Variants in NID1 observed in about 807,000 individuals in gnomAD.
NID1 encodes nidogen-1.
NID1 carries 76 observed loss-of-function variants against 130.6 expected under a neutral mutation model. The ratio of observed to expected loss-of-function variants is 0.58; its 90% CI spans 0.48 to 0.70. The LOEUF (loss-of-function observed/expected upper bound fraction) is 0.70. Among genes scored for constraint, NID1 ranks in the 30% least tolerant of loss-of-function variants. The pLI, the probability that NID1 is intolerant of heterozygous loss-of-function variation, is 0.00. For synonymous variants in NID1, 665 were observed against 675.1 expected (o/e 0.98, Z 0.23); for missense variants, 1,517 against 1,664.8 (o/e 0.91, Z 1.54).
At chr1:236,029,508 T>C in intron 7 of NID1, 42 bp downstream of exon 7, 1 of 1,535,426 alleles carries the variant, frequency 6.5e-7, no homozygotes, top group Non-Finnish European at 8.8e-7. Context: ...ACGAGGCTAG[T>C]GGCCGGTCTG....
chr1:236,033,262 C>T (rs1014995427), intron 5 of NID1, among the ~76,000 whole-genome samples: 4 of 152,130 alleles, frequency 2.6e-5, no homozygotes, highest in Admixed American at 6.5e-5. Flanking sequence ...GAGCCAAGAT[C>T]ATGCCACCGC....
Position 236,064,841 on chromosome 1 carries a change from C to T in NID1, c.225+14G>A, listed in dbSNP as rs369507832. On this transcript the variant is annotated intron_variant, in intron 1 of 19. Transcript: ENST00000264187. ...CCCTGCAGCCCCTCGCCCGCCCTCC[C>T]GGGGCTCACTCACGTAGACTGCGTC... 4.4e-6 allele frequency: 7 copies of T among 1,604,950 alleles called. No individual in the cohort carries two copies. The South Asian group carries it at 4.4e-5, about 10-fold the overall frequency.
chr1:235,988,654 T>TA (rs1490959634), intron 14 of NID1, among the ~76,000 whole-genome samples: 1 of 152,184 alleles, frequency 6.6e-6, no homozygotes, highest in Non-Finnish European at 1.5e-5. Context: ...ATACACAAAA[T>TA]ACGGCAGATC....
chr1:236,023,296 A>G (rs1290586637), intron 9 of NID1, among the ~76,000 whole-genome samples: 2 of 152,356 alleles, frequency 1.3e-5, no homozygotes, highest in East Asian at 3.9e-4. Flanking sequence ...AAAGGAAAAA[A>G]AATTCTGACA....
At chr1:235,991,418 T>C (rs1657735467) in intron 13 of NID1, among the ~76,000 whole-genome samples, 1 of 152,096 alleles carries the variant, frequency 6.6e-6, no homozygotes, top group Non-Finnish European at 1.5e-5. Context: ...CTGCAACCTC[T>C]GCCTGCCTGG....
At chr1:236,041,877 G>A in intron 4 of NID1, 33 bp downstream of exon 4, 3 of 1,574,538 alleles carry the variant, frequency 1.9e-6, no homozygotes, top group Non-Finnish European at 2.6e-6. Flanking sequence ...ACACATCCAA[G>A]ATCGTTACCA....
intron 5 of NID1, among the ~76,000 whole-genome samples, chr1:236,034,422 C>CAAAAAAAAAAAA (rs144657585): frequency 9.7e-5 from 9 of 92,624 alleles, no homozygotes; most frequent in African/African-American, 3.1e-4. Flanking sequence ...AACTCCATCT[C>CAAAAAAAAAAAA]AAAAAAAAAA....
In NID1 at chr1:236,017,285, AT is replaced by A. The variant is rs754135577; in HGVS notation, c.2129-13del. 3.0e-5 allele frequency: 48 copies of A among 1,599,508 alleles called. No homozygotes were observed. Among genetic ancestry groups the A allele is most frequent in the East Asian group, 2.3e-4 (10 of 44,086 alleles). ...ACATTCATCAATATCTGCAGCAAAA[AT>A]TTTTTTTTACTGCAGGCTTTTTTTT... is the stretch of plus-strand genomic sequence containing the variant. On this transcript the variant is annotated splice_polypyrimidine_tract_variant and intron_variant, in intron 9 of 19. Transcript: ENST00000264187.
chr1:235,979,063 T>C lies in NID1; in HGVS notation c.3554A>G (p.Asp1185Gly). 4 of 1,614,088 alleles carry C rather than the reference T, an allele frequency of 2.5e-6. No homozygotes were observed. The highest frequency in any genetic ancestry group is 3.4e-6 in the Non-Finnish European group (4 of 1,179,992). The change falls in exon 19 of 20, where the codon GAT becomes GGT. Residue 1185 changes from aspartate (D) to glycine (G), a missense_variant. This residue lies in a region of NID1 where 181 missense variants were observed against 211.3 expected (regional missense o/e 0.86). Coordinates refer to ENST00000264187, the MANE Select transcript of NID1 (RefSeq NM_002508.3). The surrounding 1 kb of genome is among the most constrained non-coding windows in gnomAD (Gnocchi z 4.6). ...GGTCTGCTTGTGGGGTTGGAAAGCA[T>C]CCGTCTCCTTGGAAATTGCAAGATC... ...ALDLAISKETDAFQPHKQTRL... is the reference protein window; with the variant it reads ...ALDLAISKETGAFQPHKQTRL...
At chr1:236,008,619 A>C (rs958528296) in intron 12 of NID1, among the ~76,000 whole-genome samples, 1 of 150,968 alleles carries the variant, frequency 6.6e-6, no homozygotes, top group Non-Finnish European at 1.5e-5. Context: ...TCCTGCCTCA[A>C]CCTCCTGAGT....
At chr1:235,997,802 T>G (rs1390076770) in intron 12 of NID1, among the ~76,000 whole-genome samples, 2 of 152,056 alleles carry the variant, frequency 1.3e-5, no homozygotes, top group Non-Finnish European at 2.9e-5. Context: ...GAGACGGGGT[T>G]TCACTATGTT....
At chr1:236,058,578 T>C (rs1659954609) in intron 1 of NID1, among the ~76,000 whole-genome samples, 1 of 152,264 alleles carries the variant, frequency 6.6e-6, no homozygotes. Flanking sequence ...TCCTGTCTCA[T>C]TTCATCTTTA....
intron 11 of NID1, 119 bp downstream of exon 11, chr1:236,013,292 G>T (rs975349155): frequency 2.8e-6 from 3 of 1,090,260 alleles, no homozygotes; most frequent in Admixed American, 4.1e-5. Flanking sequence ...TTACTCTGTG[G>T]AGATGACAGA....
At chr1:236,044,565 C>A (rs955382452) in intron 3 of NID1, among the ~76,000 whole-genome samples, 1 of 152,102 alleles carries the variant, frequency 6.6e-6, no homozygotes, top group South Asian at 2.1e-4. Context: ...GGTTCCTCTG[C>A]CCTCATAAAA....
intron 5 of NID1, among the ~76,000 whole-genome samples, chr1:236,035,093 C>G (rs1211937173): frequency 7.0e-6 from 1 of 142,112 alleles, no homozygotes; most frequent in Non-Finnish European, 1.5e-5. Context: ...GCTGCACCCA[C>G]TAACTCGTCA....
intron 14 of NID1, 75 bp from the exon 15 acceptor site, chr1:235,985,580 A>T: frequency 6.6e-7 from 1 of 1,521,144 alleles, no homozygotes; most frequent in Non-Finnish European, 9.0e-7. Flanking sequence ...GCGTGCCTAC[A>T]GGCATTTGGA....
At position 236,029,792 on chromosome 1, in the gene NID1, C is replaced by A. The variant is rs544844102; in HGVS notation, c.1538-42G>T. The A allele has an allele frequency of 5.6e-6, 9 of 1,597,806 alleles. No individual in the cohort carries two copies. In the Admixed American group the frequency reaches 6.7e-5, roughly 12 times the overall value. On this transcript the variant is annotated intron_variant, in intron 6 of 19. Transcript: ENST00000264187. ...GACTGTCACTTTGCTGACTGGGGAGCGCGCCCTTCTGCCCGCCCCAGGCTC... is the reference window on the plus strand; with the variant it reads ...GACTGTCACTTTGCTGACTGGGGAGAGCGCCCTTCTGCCCGCCCCAGGCTC...
chr1:236,056,039 G>C (rs1659891065), intron 1 of NID1, among the ~76,000 whole-genome samples: 1 of 152,080 alleles, frequency 6.6e-6, no homozygotes, highest in African/African-American at 2.4e-5. Context: ...CACACAATGA[G>C]ACAAGGTAGT....
At chr1:236,032,103 C>A in intron 6 of NID1, among the ~76,000 whole-genome samples, 1 of 152,146 alleles carries the variant, frequency 6.6e-6, no homozygotes, top group East Asian at 1.9e-4. Context: ...GTTCTACGAG[C>A]TGATATCACT....
Sources: gnomAD v4.1 joint callset for allele counts (sites outside exome capture counted in the v4.1 genomes callset) on GRCh38, gnomAD v4.1.1 for gene constraint, gnomAD v4.1.1 regional missense constraint, Gnocchi (gnomAD v3.1) non-coding constraint, MANE v1.5 for transcripts, NCBI Gene and HGNC (gene_info 2026-07-23, HGNC 2026-07-21) for gene names.